Variants in FCRLA observed in about 807,000 individuals in gnomAD.
FCRLA encodes Fc receptor like A.
In FCRLA, 26 loss-of-function variants were observed where a neutral mutation model predicts 28.4. The observed-to-expected ratio is 0.91, with a 90% CI of 0.67 to 1.27. The LOEUF is 1.27. FCRLA is among the 50% of genes most tolerant of loss of function. The probability of loss-of-function intolerance (pLI) is 0.00; values close to 1 mark genes in which losing one functional copy is unlikely to be tolerated. For synonymous variants in FCRLA, 174 were observed against 168.5 expected, an observed-to-expected ratio of 1.03 and a Z score of -0.25; for missense variants, 422 against 433.1, an observed-to-expected ratio of 0.97 and a Z score of 0.23.
Position 161,712,224 on chromosome 1 carries a change from T to A in FCRLA, c.784+6T>A, listed in dbSNP as rs1557923430. On this transcript the variant is annotated splice_donor_region_variant and intron_variant, in intron 4 of 4. Transcript: ENST00000236938. The stretch of plus-strand genomic sequence containing the variant: ...GCTAGAGATCAGAGTGCAGGGTGAG[T>A]TCGCATCAGAGTGCAGGTTGTCTGT... 1 of 1,607,850 alleles carries A rather than the reference T, an allele frequency of 6.2e-7. No homozygotes were observed. The highest frequency in any genetic ancestry group is 1.7e-5 in the Admixed American group (1 of 59,664).
At chr1:161,711,104 G>C in intron 2 of FCRLA, 104 bp from the exon 3 acceptor site, 1 of 1,496,588 alleles carries the variant, frequency 6.7e-7, no homozygotes, top group African/African-American at 1.4e-5. Flanking sequence ...CCAGGGGTGA[G>C]AGTTTACCTG....
rs61741808 is a variant in FCRLA, at chr1:161,713,326, G to A, written c.1026G>A (p.Leu342=). Reference sequence around the variant, plus strand: ...TCCTCGGTCACCTGCTCATGGAGTTGAGGGAATTATCTGGCCACCGGAAGC... The same window carrying A: ...TCCTCGGTCACCTGCTCATGGAGTTAAGGGAATTATCTGGCCACCGGAAGC... ...RVLLGHLLME[L]RELSGHRKPG... The change falls in exon 5 of 5, where the codon TTG becomes TTA. Residue 342 remains leucine, a synonymous_variant. Transcript: ENST00000236938. 3.0e-3 allele frequency: 4,808 copies of A among 1,614,176 alleles called. 137 individuals carry two copies. The African/African-American group carries it at 0.055, about 19-fold the overall frequency.
intron 1 of FCRLA, among the ~76,000 whole-genome samples, chr1:161,708,579 T>C (rs1682945854): frequency 6.6e-6 from 1 of 152,232 alleles, no homozygotes; most frequent in South Asian, 2.1e-4. Context: ...GCCTTGTAAC[T>C]TATGCTCTAA....
In FCRLA at chr1:161,711,448, C is replaced by A. The variant is rs144830049; in HGVS notation, c.473C>A (p.Ala158Glu). ...CCTGGTCCTGGGATCCCAGAAACAGCATCTGTTGTGGCTATCACAGTCCAA... is the reference window on the plus strand; with the variant it reads ...CCTGGTCCTGGGATCCCAGAAACAGAATCTGTTGTGGCTATCACAGTCCAA... ...QSPGPGIPETASVVAITVQEL... is the reference protein window; with the variant it reads ...QSPGPGIPETESVVAITVQEL... The change falls in exon 3 of 5, where the codon GCA becomes GAA. Residue 158 changes from alanine to glutamate, a missense_variant. Around this residue, in one of 3 missense-constraint regions of FCRLA, gnomAD observed 231 missense variants for 214.6 expected, o/e 1.08. Transcript: ENST00000236938. The A allele has an allele frequency of 2.2e-4, 356 of 1,613,986 alleles. 1 individual carries two copies. The African/African-American group carries it at 4.2e-3, about 19-fold the overall frequency.
rs774296946 is a variant in FCRLA, at chr1:161,710,670, A to ATGATTAT, written c.80-89_80-83dup. The ATGATTAT allele has an allele frequency of 9.7e-6, 15 of 1,549,898 alleles. No individual in the cohort carries two copies. The African/African-American group carries it at 1.6e-4, about 17-fold the overall frequency. On this transcript the variant is annotated intron_variant, in intron 1 of 4. Transcript: ENST00000236938. The stretch of plus-strand genomic sequence containing the variant: ...TCTTACTAGTCTCATTCTAAAAAGG[A>ATGATTAT]TGATTATCCTGGGAGATGGAGGAAC...
At position 161,713,705 on chromosome 1, in the gene FCRLA, C is replaced by T. The variant is rs1466991245; in HGVS notation, c.*325C>T. ...GCAGTCTCAACTGGGGGCAATTTTG[C>T]CCCCCAGAGGACATTGGGCAATGTT... On this transcript the variant is annotated 3_prime_UTR_variant, in exon 5 of 5. Transcript: ENST00000236938. 5 of 204,746 alleles carry T rather than the reference C, an allele frequency of 2.4e-5. No individual in the cohort carries two copies. The highest frequency in any genetic ancestry group is 4.9e-5 in the Non-Finnish European group (5 of 102,502). 12.7% of individuals were successfully genotyped at this position (204,746 alleles called of 1,614,324 possible). A position where few individuals can be genotyped will look rare whatever the true frequency, so the allele number is the denominator to read the frequency against.
At chr1:161,710,089 C>A (rs1683020023) in intron 1 of FCRLA, among the ~76,000 whole-genome samples, 3 of 152,032 alleles carry the variant, frequency 2.0e-5, no homozygotes, top group Admixed American at 2.0e-4. Flanking sequence ...GGCTGAGGAG[C>A]CAAGTGAAGT....
In FCRLA at chr1:161,710,809, G is replaced by C. The variant is rs746284245; in HGVS notation, c.129G>C (p.Glu43Asp). Residue 43 changes from glutamate (E) to aspartate (D), a missense_variant, in exon 2 of 5, where the codon GAG becomes GAC. By Grantham distance (45) the Glu-to-Asp change is conservative. Transcript: ENST00000236938. The part of the protein sequence containing the change: ...LQCEGPVCTE[E>D]SSCHTEDDLT... ...GTGAGGGACCTGTCTGCACTGAGGA[G>C]AGCAGCTGCCACACGGAGGATGACT... 2.5e-6 allele frequency: 4 copies of C among 1,614,130 alleles called. No individual in the cohort carries two copies. Among genetic ancestry groups the C allele is most frequent in the East Asian group, 4.5e-5 (2 of 44,880 alleles).
At chr1:161,708,230 A>AC (rs1395451658) in intron 1 of FCRLA, among the ~76,000 whole-genome samples, 14 of 152,210 alleles carry the variant, frequency 9.2e-5, no homozygotes, top group Middle Eastern at 3.4e-3. Context: ...ACCAGCATCT[A>AC]CCCTTACAAG....
chr1:161,709,812 A>G (rs2101653992), intron 1 of FCRLA, among the ~76,000 whole-genome samples: 1 of 152,280 alleles, frequency 6.6e-6, no homozygotes. Flanking sequence ...TCTACCATGA[A>G]GGTAAGAGAT....
Position 161,711,313 on chromosome 1 carries a change from A to G in FCRLA, c.338A>G (p.Tyr113Cys). 1 of 1,614,186 alleles carries G rather than the reference A, an allele frequency of 6.2e-7. No homozygotes were observed. Among genetic ancestry groups the G allele is most frequent in the South Asian group, 1.1e-5 (1 of 91,086 alleles). The change falls in exon 3 of 5, where the codon TAC (tyrosine) becomes TGC (cysteine). Residue 113 changes from tyrosine to cysteine, a missense_variant. Transcript: ENST00000236938. ...TGGCCACTGACTCAGGTGACCTTCTACCGAGATGGCTCAGCTCTGGGTCCC... is the reference window on the plus strand; with the variant it reads ...TGGCCACTGACTCAGGTGACCTTCTGCCGAGATGGCTCAGCTCTGGGTCCC... ...QDWPLTQVTF[Y>C]RDGSALGPPG...
chr1:161,712,416 C>A (rs1470232231), intron 4 of FCRLA, among the ~76,000 whole-genome samples, 198 bp downstream of exon 4: 1 of 152,184 alleles, frequency 6.6e-6, no homozygotes, highest in Non-Finnish European at 1.5e-5. Flanking sequence ...GACTGTGGTG[C>A]ACACCTCACC....
chr1:161,709,978 A>C (rs1557919265), intron 1 of FCRLA, among the ~76,000 whole-genome samples: 1 of 152,194 alleles, frequency 6.6e-6, no homozygotes. Context: ...AGAGGACATT[A>C]AAGTAAAGAT....
chr1:161,711,908 T>C, intron 3 of FCRLA, 26 bp from the exon 4 acceptor site: 1 of 1,587,034 alleles, frequency 6.3e-7, no homozygotes, highest in Non-Finnish European at 8.6e-7. Context: ...GGCTGAGCTC[T>C]TCTTTCCTGC....
chr1:161,711,080 T>A, intron 2 of FCRLA, 128 bp from the exon 3 acceptor site: 8 of 1,443,848 alleles, frequency 5.5e-6, no homozygotes, highest in Non-Finnish European at 7.5e-6. Context: ...AGGGAAGTTG[T>A]CCCATACTCC....
chr1:161,710,386 C>T (rs1012254598), intron 1 of FCRLA: 26 of 1,251,106 alleles, frequency 2.1e-5, no homozygotes, highest in Non-Finnish European at 3.0e-5. Flanking sequence ...ACCCAGTGAA[C>T]ATTAGAATCT....
intron 4 of FCRLA, 27 bp downstream of exon 4, chr1:161,712,245 T>C: frequency 6.3e-7 from 1 of 1,595,202 alleles, no homozygotes; most frequent in Non-Finnish European, 8.6e-7. Context: ...GTGCAGGTTG[T>C]CTGTTTGGCA....
intron 1 of FCRLA, among the ~76,000 whole-genome samples, chr1:161,709,903 G>A (rs1683012634): frequency 6.6e-6 from 1 of 152,100 alleles, no homozygotes; most frequent in South Asian, 2.1e-4. Context: ...TACTAATATG[G>A]ACTGGGAGGA....
chr1:161,712,896 G>T (rs1462590611), intron 4 of FCRLA, among the ~76,000 whole-genome samples, 189 bp from the exon 5 acceptor site: 1 of 152,206 alleles, frequency 6.6e-6, no homozygotes, highest in Non-Finnish European at 1.5e-5. Context: ...CACTGCTGAA[G>T]AATTTCAAAC....
Sources: gnomAD v4.1 joint callset for allele counts (sites outside exome capture counted in the v4.1 genomes callset) on GRCh38, gnomAD v4.1.1 for gene constraint, gnomAD v4.1.1 regional missense constraint, MANE v1.5 for transcripts, NCBI Gene and HGNC (gene_info 2026-07-23, HGNC 2026-07-21) for gene names.